Variants in PRKCQ observed in about 807,000 individuals in gnomAD.
PRKCQ encodes protein kinase C theta, also known as protein kinase C theta type.
A neutral mutation model predicts 91.2 loss-of-function variants in PRKCQ; 41 were observed. That is an observed-to-expected ratio of 0.45 (90% CI 0.35 to 0.58). The LOEUF (loss-of-function observed/expected upper bound fraction) is 0.58, where lower values mean the gene tolerates loss of function less well. Among genes scored for constraint, PRKCQ ranks in the 20% least tolerant of loss-of-function variants. The probability of loss-of-function intolerance (pLI) is 0.00; values close to 1 mark genes in which losing one functional copy is unlikely to be tolerated. For synonymous variants in PRKCQ, 307 were observed against 316.9 expected (o/e 0.97, Z 0.33); for missense variants, 673 against 896.5 (o/e 0.75, Z 3.18).
At chr10:6,523,583 G>A (rs977031915) in intron 1 of PRKCQ, among the ~76,000 whole-genome samples, 6 of 152,160 alleles carry the variant, frequency 3.9e-5, no homozygotes, top group African/African-American at 7.2e-5. Flanking sequence ...AGGCTTCGTG[G>A]ACAGACCAAG....
chr10:6,569,462 A>G (rs192898597), intron 1 of PRKCQ, among the ~76,000 whole-genome samples: 1 of 152,174 alleles, frequency 6.6e-6, no homozygotes, highest in East Asian at 1.9e-4. Flanking sequence ...GAACCTTCGA[A>G]TCCACATCAG....
At position 6,489,367 on chromosome 10, in the gene PRKCQ, A is replaced by G. The variant is rs201297362; in HGVS notation, c.790+2316T>C. The G allele has an allele frequency of 2.2e-3, 1,112 of 512,178 alleles. 3 individuals are homozygous for G. Among genetic ancestry groups the G allele is most frequent in the Non-Finnish European group, 2.6e-3 (642 of 249,548 alleles). 31.7% of individuals were successfully genotyped at this position (512,178 alleles called of 1,614,324 possible). A position where few individuals can be genotyped will look rare whatever the true frequency, so the allele number is the denominator to read the frequency against. ...GCGAAGAAAGGCCACCACCATCTCCACGAGAAGGTCCTAAGTCTTTGTTAC... is the reference window on the plus strand; with the variant it reads ...GCGAAGAAAGGCCACCACCATCTCCGCGAGAAGGTCCTAAGTCTTTGTTAC... On this transcript the variant is annotated intron_variant, in intron 8 of 17. Transcript: ENST00000263125.
intron 1 of PRKCQ, among the ~76,000 whole-genome samples, chr10:6,569,664 A>G (rs1341253272): frequency 6.6e-6 from 1 of 152,092 alleles, no homozygotes; most frequent in Non-Finnish European, 1.5e-5. Flanking sequence ...GCTGGAGGGA[A>G]CACAGAGGAA....
chr10:6,505,153 A>C (rs1476098095), intron 4 of PRKCQ, among the ~76,000 whole-genome samples: 1 of 152,126 alleles, frequency 6.6e-6, no homozygotes, highest in Non-Finnish European at 1.5e-5. Context: ...CGGCCTCCCA[A>C]AGTGCTGGGA....
intron 11 of PRKCQ, 82 bp downstream of exon 11, chr10:6,483,358 A>C: frequency 6.5e-7 from 1 of 1,548,512 alleles, no homozygotes; most frequent in Non-Finnish European, 8.9e-7. Context: ...TAGTGGCCCT[A>C]TGAGTTTAAT....
intron 13 of PRKCQ, among the ~76,000 whole-genome samples, chr10:6,464,083 G>T (rs977681107): frequency 6.6e-6 from 1 of 152,176 alleles, no homozygotes; most frequent in Admixed American, 6.5e-5. Flanking sequence ...GATGAATCGG[G>T]ATGGTTCCTT....
At chr10:6,526,766 C>T (rs1007740789) in intron 1 of PRKCQ, among the ~76,000 whole-genome samples, 1 of 152,072 alleles carries the variant, frequency 6.6e-6, no homozygotes. Flanking sequence ...GGACACCGCC[C>T]GAGGGGTCTA....
At chr10:6,404,454 TCTTC>T in the PRKCQ span, among the ~76,000 whole-genome samples, 42 of 151,870 alleles carry the variant, frequency 2.8e-4, no homozygotes, top group African/African-American at 8.4e-4. Flanking sequence ...CTCTTTCCTT[TCTTC>T]CTTCCTTTTT....
intron 1 of PRKCQ, among the ~76,000 whole-genome samples, chr10:6,516,717 C>G (rs547537968): frequency 2.2e-3 from 331 of 152,272 alleles, no homozygotes; most frequent in Non-Finnish European, 3.3e-3. Context: ...CACTAACTCA[C>G]AAAGCCAGAG....
intron 12 of PRKCQ, 128 bp downstream of exon 12, chr10:6,478,864 G>A (rs1836418043): frequency 1.9e-6 from 2 of 1,037,816 alleles, no homozygotes; most frequent in Non-Finnish European, 2.8e-6. Context: ...TTGGATGGAT[G>A]GCAGGTACAC....
chr10:6,501,513 G>A (rs1012579629), intron 4 of PRKCQ, among the ~76,000 whole-genome samples: 1 of 151,940 alleles, frequency 6.6e-6, no homozygotes, highest in Admixed American at 6.6e-5. Context: ...ATCCTAAAGT[G>A]TAGAGACAAA....
chr10:6,397,354 A>G, the PRKCQ span, among the ~76,000 whole-genome samples: 18 of 152,290 alleles, frequency 1.2e-4, 2 homozygotes, highest in African/African-American at 4.1e-4. Context: ...TTGGCCCCTC[A>G]AAGTGCTGAG....
chr10:6,417,492 G>A, the PRKCQ span, among the ~76,000 whole-genome samples: 2 of 26,420 alleles, frequency 7.6e-5, no homozygotes, highest in African/African-American at 2.2e-4. Flanking sequence ...GTTCAATTTC[G>A]GTCAAACCCC....
chr10:6,435,331 T>C (rs1392238254), intron 16 of PRKCQ, among the ~76,000 whole-genome samples: 1 of 152,244 alleles, frequency 6.6e-6, no homozygotes, highest in East Asian at 1.9e-4. Flanking sequence ...CTGGGTTTCA[T>C]AACATTTTGT....
At chr10:6,483,394 C>T (rs1417273905) in intron 11 of PRKCQ, 46 bp downstream of exon 11, 2 of 1,608,112 alleles carry the variant, frequency 1.2e-6, no homozygotes, top group Non-Finnish European at 1.7e-6. Flanking sequence ...CTTGGCTCAT[C>T]AGTTCCTGGA....
At chr10:6,426,026 G>A (rs1464413649), downstream of PRKCQ, among the ~76,000 whole-genome samples, 1 of 152,166 alleles carries the variant, frequency 6.6e-6, no homozygotes, top group Non-Finnish European at 1.5e-5. Context: ...AAGGAAAATG[G>A]GGTAGAGCTG....
chr10:6,470,887 G>A (rs1303588399), intron 12 of PRKCQ, among the ~76,000 whole-genome samples: 1 of 151,284 alleles, frequency 6.6e-6, no homozygotes, highest in African/African-American at 2.4e-5. Context: ...GGAGGTGGAG[G>A]TTGTATTGAG....
intron 1 of PRKCQ, among the ~76,000 whole-genome samples, chr10:6,532,706 C>G (rs1001201111): frequency 6.6e-6 from 1 of 152,226 alleles, no homozygotes; most frequent in East Asian, 1.9e-4. Context: ...TGAATACCTT[C>G]ATTTTTAAAA....
chr10:6,425,762 C>T (rs1183015451), downstream of PRKCQ, among the ~76,000 whole-genome samples: 3 of 151,882 alleles, frequency 2.0e-5, no homozygotes, highest in Non-Finnish European at 4.4e-5. Context: ...CAAGACCAGC[C>T]TAGGAAACAT....
Sources: gnomAD v4.1 joint callset for allele counts (sites outside exome capture counted in the v4.1 genomes callset) on GRCh38, gnomAD v4.1.1 for gene constraint, MANE v1.5 for transcripts, NCBI Gene and HGNC (gene_info 2026-07-23, HGNC 2026-07-21) for gene names.